The following CNTNAP2 variants were observed in gnomAD, a reference collection of about 807,000 sequenced individuals.
CNTNAP2 encodes contactin-associated protein-like 2.
A neutral mutation model predicts 155.2 loss-of-function variants in CNTNAP2; 98 were observed. That is an observed-to-expected ratio of 0.63 (90% CI 0.54 to 0.75). CNTNAP2 has a LOEUF of 0.75. Ranked by LOEUF, CNTNAP2 falls within the 30% of genes least tolerant of loss-of-function variation. The pLI is 0.00. For missense variants in CNTNAP2, 1,727 were observed against 1,688.1 expected, an observed-to-expected ratio of 1.02 and a Z score of -0.40; for synonymous variants, 651 against 631.2, an observed-to-expected ratio of 1.03 and a Z score of -0.47.
chr7:146,489,431 A>G (rs1312019949), intron 1 of CNTNAP2, among the ~76,000 whole-genome samples: 2 of 152,196 alleles, frequency 1.3e-5, no homozygotes, highest in African/African-American at 2.4e-5. Context: ...AATAATGTGT[A>G]TGGTTCATGA....
chr7:147,106,957 C>G (rs1027073468), intron 4 of CNTNAP2, among the ~76,000 whole-genome samples: 1 of 152,136 alleles, frequency 6.6e-6, no homozygotes, highest in African/African-American at 2.4e-5. Flanking sequence ...TTTAAACTGG[C>G]TATTATTTTT....
At chr7:147,777,914 T>C (rs1797609539) in intron 13 of CNTNAP2, among the ~76,000 whole-genome samples, 1 of 152,250 alleles carries the variant, frequency 6.6e-6, no homozygotes, top group African/African-American at 2.4e-5. Context: ...ATTTTTGAAA[T>C]ATTTGTGGAT....
intron 13 of CNTNAP2, among the ~76,000 whole-genome samples, chr7:147,780,524 A>T (rs1370815277): frequency 6.6e-6 from 1 of 152,194 alleles, no homozygotes; most frequent in African/African-American, 2.4e-5. Context: ...AAAGTTTCCC[A>T]TCTGCTGGTC....
At chr7:148,040,912 C>A (rs1802662937) in intron 15 of CNTNAP2, among the ~76,000 whole-genome samples, 1 of 151,996 alleles carries the variant, frequency 6.6e-6, no homozygotes, top group African/African-American at 2.4e-5. Flanking sequence ...GATGCTGAGG[C>A]AGGAGGATCA....
chr7:147,594,406 AT>A (rs1397926417), intron 12 of CNTNAP2, among the ~76,000 whole-genome samples: 1 of 152,076 alleles, frequency 6.6e-6, no homozygotes, highest in Non-Finnish European at 1.5e-5. Context: ...CATAACATGC[AT>A]TTCATAGCTC....
chr7:146,955,254 G>A (rs1797408701), intron 3 of CNTNAP2, among the ~76,000 whole-genome samples: 1 of 151,934 alleles, frequency 6.6e-6, no homozygotes. Context: ...GTTAGTAGCT[G>A]ATAACATTCA....
rs115567001 is a variant in CNTNAP2 at position 147,217,252 on chromosome 7, T to C, written c.1349-82889T>C. On this transcript the variant is annotated intron_variant, in intron 8 of 23. Transcript: ENST00000361727. Reference sequence around the variant, plus strand: ...TTGATCTTAGAGGGAAAGCTTCTAGTTTCTTACCATTAAGTATGATGTTGG... The same window carrying C: ...TTGATCTTAGAGGGAAAGCTTCTAGCTTCTTACCATTAAGTATGATGTTGG... Among the ~76,000 whole-genome samples, 404 of 152,112 alleles carry C rather than the reference T, an allele frequency of 2.7e-3. 1 individual carries two copies. The highest frequency in any genetic ancestry group is 9.1e-3 in the African/African-American group (378 of 41,576).
chr7:146,185,130 T>C (rs940640170), intron 1 of CNTNAP2, among the ~76,000 whole-genome samples: 1 of 152,096 alleles, frequency 6.6e-6, no homozygotes, highest in Admixed American at 6.6e-5. Flanking sequence ...CTATAAACCC[T>C]AGACTATAGC....
intron 1 of CNTNAP2, among the ~76,000 whole-genome samples, chr7:146,710,883 T>C (rs1442594998): frequency 6.6e-6 from 1 of 152,028 alleles, no homozygotes; most frequent in Non-Finnish European, 1.5e-5. Context: ...GGTCTTGGCA[T>C]TGGGAATCAT....
chr7:147,860,383 C>G (rs1237554865), intron 13 of CNTNAP2, among the ~76,000 whole-genome samples: 1 of 152,058 alleles, frequency 6.6e-6, no homozygotes, highest in Non-Finnish European at 1.5e-5. Flanking sequence ...GAGAACACAC[C>G]ACTGCACTCC....
intron 1 of CNTNAP2, among the ~76,000 whole-genome samples, chr7:146,674,218 C>T (rs1041459137): frequency 3.3e-5 from 5 of 152,114 alleles, no homozygotes; most frequent in Non-Finnish European, 7.4e-5. Flanking sequence ...CTTTCAAGAC[C>T]TCAGAACTGC....
chr7:146,847,558 A>G (rs987372312), intron 3 of CNTNAP2, among the ~76,000 whole-genome samples: 2 of 152,188 alleles, frequency 1.3e-5, no homozygotes, highest in East Asian at 3.8e-4. Flanking sequence ...TAATCACTCA[A>G]TTATTTTATA....
At chr7:148,021,835 C>A (rs779238538) in intron 15 of CNTNAP2, among the ~76,000 whole-genome samples, 12 of 152,172 alleles carry the variant, frequency 7.9e-5, no homozygotes, top group Non-Finnish European at 1.3e-4. Flanking sequence ...AAAGCTGTAC[C>A]GAGTCAGTGG....
intron 1 of CNTNAP2, among the ~76,000 whole-genome samples, chr7:146,720,481 A>G (rs1177784251): frequency 6.6e-6 from 1 of 152,122 alleles, no homozygotes; most frequent in Non-Finnish European, 1.5e-5. Flanking sequence ...ACCTAAATCA[A>G]TTTCAGATGC....
At chr7:146,618,833 G>T (rs7786494) in intron 1 of CNTNAP2, among the ~76,000 whole-genome samples, 20,224 of 152,130 alleles carry the variant, frequency 0.13, 1,945 homozygotes, top group African/African-American at 0.28. Context: ...ACTTTGGGAG[G>T]CCGAGACAGG....
chr7:148,090,485 G>A (rs1803817302), intron 15 of CNTNAP2, among the ~76,000 whole-genome samples: 2 of 152,024 alleles, frequency 1.3e-5, no homozygotes, highest in African/African-American at 4.8e-5. Flanking sequence ...GCATACATGT[G>A]CCAACAAATA....
rs1219615594 is a variant in CNTNAP2 at position 148,413,410 on chromosome 7, AT to A, written c.3797-2006del. ...TCCGTCTCAAAAAAAAAATATATAT[AT>A]ATATATATATATATATATATATATA... is the stretch of plus-strand genomic sequence containing the variant. On this transcript the variant is annotated intron_variant, in intron 23 of 23. Transcript: ENST00000361727. Among the ~76,000 whole-genome samples, 7 of 76,528 alleles carry A rather than the reference AT, an allele frequency of 9.1e-5. 2 individuals are homozygous for A. The highest frequency in any genetic ancestry group is 2.2e-4 in the Admixed American group (2 of 9,300). The allele number at this position is 76,528 out of a possible 152,430, so 50.2% of individuals were successfully genotyped here. A position where few individuals can be genotyped will look rare whatever the true frequency, so the allele number is the denominator to read the frequency against.
At chr7:147,104,873 C>CATATATATATAT (rs56674675) in intron 4 of CNTNAP2, among the ~76,000 whole-genome samples, 9 of 101,440 alleles carry the variant, frequency 8.9e-5, no homozygotes, top group East Asian at 3.5e-4. Flanking sequence ...CTTCCTCCCT[C>CATATATATATAT]ATATATATAT....
At chr7:146,569,162 G>A (rs1450429822) in intron 1 of CNTNAP2, among the ~76,000 whole-genome samples, 4 of 152,028 alleles carry the variant, frequency 2.6e-5, no homozygotes, top group East Asian at 1.9e-4. Flanking sequence ...GACTACAGGC[G>A]CCCACCACCA....
Sources: gnomAD v4.1 joint callset for allele counts (sites outside exome capture counted in the v4.1 genomes callset) on GRCh38, gnomAD v4.1.1 for gene constraint, MANE v1.5 for transcripts, NCBI Gene and HGNC (gene_info 2026-07-23, HGNC 2026-07-21) for gene names.